The following NUBPL variants were observed in gnomAD, a reference collection of about 807,000 sequenced individuals.
NUBPL encodes iron-sulfur cluster transfer protein NUBPL.
Under a neutral mutation model 45.7 loss-of-function variants are expected in NUBPL, and 31 were observed. The ratio of observed to expected loss-of-function variants is 0.68; its 90% confidence interval spans 0.51 to 0.92. NUBPL has a LOEUF of 0.92. Ranked by LOEUF, NUBPL falls within the 40% of genes least tolerant of loss-of-function variation. The probability of loss-of-function intolerance (pLI) is 0.00; values close to 1 mark genes in which losing one functional copy is unlikely to be tolerated. For synonymous variants in NUBPL, 144 were observed against 140.9 expected (o/e 1.02, Z -0.15); for missense variants, 401 against 398.7 (o/e 1.01, Z -0.05).
chr14:31,615,115 T>C (rs1431852182), intron 4 of NUBPL, among the ~76,000 whole-genome samples: 1 of 152,214 alleles, frequency 6.6e-6, no homozygotes, highest in African/African-American at 2.4e-5. Context: ...GTTTCTCCCA[T>C]GCTGTTCTCA....
At chr14:31,623,430 T>C (rs1213088778) in intron 4 of NUBPL, among the ~76,000 whole-genome samples, 1 of 152,156 alleles carries the variant, frequency 6.6e-6, no homozygotes, top group African/African-American at 2.4e-5. Flanking sequence ...ACATAAGATT[T>C]GGGTGGGGCT....
chr14:31,760,655 C>T (rs2038787482), intron 6 of NUBPL, among the ~76,000 whole-genome samples: 1 of 152,100 alleles, frequency 6.6e-6, no homozygotes, highest in African/African-American at 2.4e-5. Flanking sequence ...GGATTTCCTT[C>T]CCTTTTTCAG....
chr14:31,778,020 A>C (rs775753937), intron 6 of NUBPL, among the ~76,000 whole-genome samples: 46 of 152,202 alleles, frequency 3.0e-4, no homozygotes, highest in Non-Finnish European at 6.5e-4. Flanking sequence ...CACTAGAGTT[A>C]ATCCCTTTCA....
chr14:31,628,535 T>C (rs1192702955), intron 4 of NUBPL, among the ~76,000 whole-genome samples: 1 of 152,214 alleles, frequency 6.6e-6, no homozygotes, highest in East Asian at 1.9e-4. Flanking sequence ...AGTTTTAATT[T>C]TGTCATAGAC....
At chr14:31,828,550 C>G (rs1308813248) in intron 8 of NUBPL, among the ~76,000 whole-genome samples, 1 of 152,076 alleles carries the variant, frequency 6.6e-6, no homozygotes, top group East Asian at 1.9e-4. Flanking sequence ...ACATGAATTC[C>G]TTGAGGAAAA....
At chr14:31,856,182 A>G (rs1430479661) in intron 10 of NUBPL, among the ~76,000 whole-genome samples, 1 of 152,134 alleles carries the variant, frequency 6.6e-6, no homozygotes, top group African/African-American at 2.4e-5. Context: ...GCAAGGAGGA[A>G]CAAGTCATGT....
intron 8 of NUBPL, among the ~76,000 whole-genome samples, chr14:31,829,496 G>T (rs1024001811): frequency 1.3e-5 from 2 of 152,120 alleles, no homozygotes; most frequent in African/African-American, 4.8e-5. Flanking sequence ...AAGTGGATTT[G>T]TTGACCTCTG....
At chr14:31,779,003 T>C (rs1171722294) in intron 6 of NUBPL, among the ~76,000 whole-genome samples, 1 of 152,128 alleles carries the variant, frequency 6.6e-6, no homozygotes, top group Non-Finnish European at 1.5e-5. Context: ...AGTGGCAGGA[T>C]TGGGCAAGTT....
intron 4 of NUBPL, among the ~76,000 whole-genome samples, chr14:31,642,276 A>G (rs2035725226): frequency 6.6e-6 from 1 of 152,110 alleles, no homozygotes; most frequent in Admixed American, 6.5e-5. Context: ...GTTCTGGAGC[A>G]TTTACTTAAT....
chr14:31,827,281 C>T (rs752134349), intron 8 of NUBPL, among the ~76,000 whole-genome samples: 1 of 151,194 alleles, frequency 6.6e-6, no homozygotes, highest in Non-Finnish European at 1.5e-5. Context: ...AGGGGTGTAC[C>T]GTGACTTTTC....
intron 4 of NUBPL, among the ~76,000 whole-genome samples, chr14:31,636,097 A>G (rs1294962457): frequency 1.2e-4 from 18 of 151,772 alleles, no homozygotes; most frequent in South Asian, 1.0e-3. Flanking sequence ...TCTCCTGCCT[A>G]ATTGCCCTGG....
chr14:31,562,610 T>C (rs1013519967), intron 2 of NUBPL, among the ~76,000 whole-genome samples: 1 of 146,830 alleles, frequency 6.8e-6, no homozygotes, highest in African/African-American at 2.5e-5. Context: ...TTTTGTTTTT[T>C]TTTTTTTTTT....
chr14:31,693,000 CA>C (rs1566504410), intron 6 of NUBPL, among the ~76,000 whole-genome samples: 1 of 151,848 alleles, frequency 6.6e-6, no homozygotes, highest in Non-Finnish European at 1.5e-5. Flanking sequence ...AGGTAATGGC[CA>C]ATGTATGTCG....
At chr14:31,640,639 C>G (rs2035665905) in intron 4 of NUBPL, among the ~76,000 whole-genome samples, 1 of 149,172 alleles carries the variant, frequency 6.7e-6, no homozygotes, top group South Asian at 2.1e-4. Flanking sequence ...AAAAGAAACA[C>G]TAATTAGATT....
chr14:31,594,921 A>C (rs2034243461), intron 3 of NUBPL, among the ~76,000 whole-genome samples: 1 of 152,216 alleles, frequency 6.6e-6, no homozygotes, highest in Admixed American at 6.5e-5. Flanking sequence ...TAGAAGTACA[A>C]CTTTTAGGTA....
intron 4 of NUBPL, among the ~76,000 whole-genome samples, chr14:31,637,913 C>T (rs2035555376): frequency 6.6e-6 from 1 of 152,082 alleles, no homozygotes; most frequent in Non-Finnish European, 1.5e-5. Flanking sequence ...ATTGCAACGC[C>T]TGCCTTTTTT....
intron 7 of NUBPL, among the ~76,000 whole-genome samples, chr14:31,814,182 C>T (rs1595668767): frequency 6.6e-6 from 1 of 152,188 alleles, no homozygotes; most frequent in African/African-American, 2.4e-5. Context: ...TCTCCACAAC[C>T]TCTCCAGCAT....
chr14:31,850,172 A>T lies in NUBPL; in HGVS notation c.868A>T (p.Ile290Phe). Reference protein sequence around the residue: ...IREASDTGQPIVFSQPESDEA... With the variant: ...IREASDTGQPFVFSQPESDEA... ...GGAAGCTTCAGATACAGGCCAGCCA[A>T]TTGTGTTTTCACAGCCTGAAAGTGA... The change falls in exon 10 of 11, where the codon ATT becomes TTT. Residue 290 changes from isoleucine (I) to phenylalanine (F), a missense_variant. By Grantham distance (21) the Ile-to-Phe change is conservative. Coordinates refer to ENST00000281081, the MANE Select transcript of NUBPL (RefSeq NM_025152.3). 1.2e-6 allele frequency: 2 copies of T among 1,613,956 alleles called. No individual in the cohort carries two copies. Among genetic ancestry groups the T allele is most frequent in the Non-Finnish European group, 1.7e-6 (2 of 1,179,892 alleles).
chr14:31,571,278 A>G (rs1041070068), intron 3 of NUBPL, among the ~76,000 whole-genome samples: 20 of 149,600 alleles, frequency 1.3e-4, no homozygotes, highest in African/African-American at 4.7e-4. Context: ...AATTCAGGCT[A>G]CCCTCCTCTT....
Sources: allele counts gnomAD v4.1 joint callset (sites outside exome capture counted in the v4.1 genomes callset), GRCh38; gene constraint gnomAD v4.1.1; transcripts MANE v1.5; gene names NCBI Gene and HGNC (gene_info 2026-07-23, HGNC 2026-07-21).